CACNA2D1: variants seen among roughly 807,000 people sequenced by gnomAD.
CACNA2D1 encodes the protein calcium voltage-gated channel auxiliary subunit alpha2delta 1.
A neutral mutation model predicts 171.5 loss-of-function variants in CACNA2D1; 53 were observed. The ratio of observed to expected loss-of-function variants is 0.31; its 90% CI spans 0.25 to 0.39. CACNA2D1 has a LOEUF of 0.39. Ranked by LOEUF, CACNA2D1 falls within the 10% of genes least tolerant of loss-of-function variation. The probability of loss-of-function intolerance (pLI) is 1.00; values close to 1 mark genes in which losing one functional copy is unlikely to be tolerated. For missense variants in CACNA2D1, 903 were observed against 1,299.8 expected, an observed-to-expected ratio of 0.69 and a Z score of 4.69; for synonymous variants, 442 against 443.1, an observed-to-expected ratio of 1.00 and a Z score of 0.03.
intron 36 of CACNA2D1, among the ~76,000 whole-genome samples, chr7:81,961,179 A>G (rs576232988): frequency 6.6e-6 from 1 of 152,060 alleles, no homozygotes; most frequent in South Asian, 2.1e-4. Flanking sequence ...GTGCTTTGTA[A>G]GCTGTGACTT....
chr7:82,303,904 A>G (rs1477946032), intron 3 of CACNA2D1, among the ~76,000 whole-genome samples: 2 of 152,194 alleles, frequency 1.3e-5, no homozygotes, highest in Non-Finnish European at 2.9e-5. Flanking sequence ...CAGCAAAGAA[A>G]ACAACAGAGT....
At chr7:82,397,549 C>CAA (rs1825874062) in intron 1 of CACNA2D1, among the ~76,000 whole-genome samples, 1 of 152,168 alleles carries the variant, frequency 6.6e-6, no homozygotes, top group East Asian at 1.9e-4. Context: ...TCTATGCTGA[C>CAA]AGAGTACACA....
chr7:82,404,269 C>T (rs1368720376), intron 1 of CACNA2D1, among the ~76,000 whole-genome samples: 3 of 152,160 alleles, frequency 2.0e-5, no homozygotes, highest in African/African-American at 4.8e-5. Flanking sequence ...AATGAGGACA[C>T]AGAGTGACAT....
chr7:81,973,409 C>A (rs1036227722), intron 25 of CACNA2D1, among the ~76,000 whole-genome samples: 6 of 151,974 alleles, frequency 3.9e-5, no homozygotes, highest in African/African-American at 1.4e-4. Context: ...CTAATCTGTG[C>A]TAAAGTGAAG....
chr7:82,363,856 T>A (rs576038404), intron 1 of CACNA2D1, among the ~76,000 whole-genome samples: 1 of 152,196 alleles, frequency 6.6e-6, no homozygotes, highest in African/African-American at 2.4e-5. Context: ...AGACTATAGA[T>A]CTAAGGAGAA....
At chr7:81,999,499 A>G (rs1798376271) in intron 18 of CACNA2D1, among the ~76,000 whole-genome samples, 1 of 152,250 alleles carries the variant, frequency 6.6e-6, no homozygotes, top group South Asian at 2.1e-4. Flanking sequence ...CAAATTTTAA[A>G]TTGAAATAAT....
chr7:82,031,212 G>A, intron 12 of CACNA2D1, among the ~76,000 whole-genome samples: 1 of 151,806 alleles, frequency 6.6e-6, no homozygotes, highest in Non-Finnish European at 1.5e-5. Flanking sequence ...TGCACAGTGT[G>A]CTATGGGATC....
intron 1 of CACNA2D1, among the ~76,000 whole-genome samples, chr7:82,364,045 C>T (rs2129447510): frequency 6.6e-6 from 1 of 152,156 alleles, no homozygotes; most frequent in African/African-American, 2.4e-5. Flanking sequence ...ACCAGCCTGG[C>T]CAACATGGCA....
chr7:82,085,513 T>C (rs980927087), intron 6 of CACNA2D1, among the ~76,000 whole-genome samples: 27 of 147,582 alleles, frequency 1.8e-4, no homozygotes, highest in African/African-American at 5.9e-4. Context: ...TAAATTAGCC[T>C]GCTACCTTAA....
intron 3 of CACNA2D1, among the ~76,000 whole-genome samples, chr7:82,263,514 T>C (rs749324306): frequency 2.0e-5 from 3 of 152,150 alleles, no homozygotes; most frequent in Non-Finnish European, 2.9e-5. Context: ...AGATATGACA[T>C]ACCTCTGCCC....
intron 6 of CACNA2D1, among the ~76,000 whole-genome samples, chr7:82,108,663 A>G (rs1318177328): frequency 2.0e-5 from 3 of 152,196 alleles, no homozygotes; most frequent in African/African-American, 7.2e-5. Context: ...TTGGGTTGAT[A>G]AGTAGTCAAT....
intron 10 of CACNA2D1, among the ~76,000 whole-genome samples, chr7:82,054,051 C>T (rs942030547): frequency 5.9e-5 from 9 of 152,220 alleles, no homozygotes; most frequent in Non-Finnish European, 8.8e-5. Context: ...AATAAATACA[C>T]GTTTAACAAC....
chr7:82,274,200 C>T (rs1402248772), intron 3 of CACNA2D1, among the ~76,000 whole-genome samples: 5 of 152,194 alleles, frequency 3.3e-5, no homozygotes, highest in African/African-American at 7.2e-5. Context: ...GCTCCTCTCA[C>T]GACTGTATCT....
intron 8 of CACNA2D1, among the ~76,000 whole-genome samples, 172 bp downstream of exon 8, chr7:82,066,283 A>T (rs1394397634): frequency 6.6e-6 from 1 of 152,048 alleles, no homozygotes; most frequent in Non-Finnish European, 1.5e-5. Flanking sequence ...AGCATTACCC[A>T]CTTGAACTCA....
intron 3 of CACNA2D1, among the ~76,000 whole-genome samples, chr7:82,229,676 A>C (rs1802702377): frequency 7.2e-6 from 1 of 138,700 alleles, no homozygotes; most frequent in Non-Finnish European, 1.5e-5. Flanking sequence ...CTTCTGGTTT[A>C]CTTTTTTTAT....
At chr7:82,328,863 G>A (rs1452460329) in intron 3 of CACNA2D1, among the ~76,000 whole-genome samples, 1 of 151,966 alleles carries the variant, frequency 6.6e-6, no homozygotes, top group Non-Finnish European at 1.5e-5. Context: ...ATATTCTATT[G>A]AATCTATTCT....
chr7:81,959,406 T>G (rs1422651161), intron 37 of CACNA2D1, 49 bp from the exon 38 acceptor site: 2 of 1,224,296 alleles, frequency 1.6e-6, no homozygotes, highest in Non-Finnish European at 2.4e-6. Context: ...TTCACATGAT[T>G]AAAAATAAAT....
chr7:82,400,909 A>C (rs1826325835), intron 1 of CACNA2D1, among the ~76,000 whole-genome samples: 1 of 152,140 alleles, frequency 6.6e-6, no homozygotes. Flanking sequence ...ATGAACAGAC[A>C]CTTCTCAAAA....
chr7:82,049,475 G>C (rs1239734542), intron 10 of CACNA2D1, among the ~76,000 whole-genome samples: 1 of 152,112 alleles, frequency 6.6e-6, no homozygotes, highest in Non-Finnish European at 1.5e-5. Context: ...TGAAAAACAT[G>C]ATTATTTACA....
Sources: gnomAD v4.1 joint callset for allele counts (sites outside exome capture counted in the v4.1 genomes callset) on GRCh38, gnomAD v4.1.1 for gene constraint, MANE v1.5 for transcripts, NCBI Gene and HGNC (gene_info 2026-07-23, HGNC 2026-07-21) for gene names.